The following DPYD variants were observed in gnomAD, a reference collection of about 807,000 sequenced individuals.
DPYD encodes dihydropyrimidine dehydrogenase [NADP(+)].
Under a neutral mutation model 116.2 loss-of-function variants are expected in DPYD, and 109 were observed. That is an observed-to-expected ratio of 0.94 (90% CI 0.80 to 1.10). The LOEUF (loss-of-function observed/expected upper bound fraction) is 1.10. DPYD is among the 50% of genes least tolerant of loss of function. DPYD has a pLI of 0.00. For synonymous variants in DPYD, 440 were observed against 432.0 expected (o/e 1.02, Z -0.23); for missense variants, 1,302 against 1,254.5 (o/e 1.04, Z -0.57).
intron 20 of DPYD, among the ~76,000 whole-genome samples, chr1:97,129,428 T>C (rs1261404395): frequency 6.6e-6 from 1 of 152,150 alleles, no homozygotes; most frequent in East Asian, 1.9e-4. Context: ...TTGCCTCATA[T>C]ATTCCATCTT....
At chr1:97,676,193 T>TATCCTCTCTC (rs566187551) in intron 8 of DPYD, among the ~76,000 whole-genome samples, 33 of 152,330 alleles carry the variant, frequency 2.2e-4, no homozygotes, top group Non-Finnish European at 4.4e-4. Context: ...CTTTCATTTC[T>TATCCTCTCTC]ATCCTCTCTC....
At chr1:97,174,840 T>C (rs1485414432) in intron 20 of DPYD, among the ~76,000 whole-genome samples, 1 of 152,186 alleles carries the variant, frequency 6.6e-6, no homozygotes, top group Non-Finnish European at 1.5e-5. Context: ...TAGACAAATA[T>C]ACACATTCAC....
At chr1:97,164,473 G>A (rs1301390043) in intron 20 of DPYD, among the ~76,000 whole-genome samples, 1 of 152,152 alleles carries the variant, frequency 6.6e-6, no homozygotes. Flanking sequence ...GATGGGAAGA[G>A]AGGAAGTGAA....
intron 16 of DPYD, among the ~76,000 whole-genome samples, chr1:97,336,267 A>T (rs1175701185): frequency 6.6e-6 from 1 of 152,166 alleles, no homozygotes; most frequent in Non-Finnish European, 1.5e-5. Flanking sequence ...GAACAGGTAA[A>T]TGCAGTATCA....
intron 16 of DPYD, among the ~76,000 whole-genome samples, chr1:97,311,478 A>G (rs747493669): frequency 3.3e-5 from 5 of 151,740 alleles, no homozygotes; most frequent in South Asian, 2.1e-4. Context: ...TTAAACCACA[A>G]TGTGATGCCA....
chr1:97,553,772 A>T (rs887334747), intron 11 of DPYD, among the ~76,000 whole-genome samples: 6 of 152,066 alleles, frequency 3.9e-5, no homozygotes, highest in African/African-American at 1.4e-4. Context: ...ATGTCCCAGG[A>T]GCTCCATAGT....
chr1:97,392,815 C>A (rs1672785578), intron 14 of DPYD, among the ~76,000 whole-genome samples: 1 of 151,954 alleles, frequency 6.6e-6, no homozygotes, highest in Non-Finnish European at 1.5e-5. Flanking sequence ...CATTATTGTT[C>A]TCTTGCTATT....
intron 13 of DPYD, among the ~76,000 whole-genome samples, chr1:97,450,425 C>T (rs1201648876): frequency 6.6e-6 from 1 of 152,008 alleles, no homozygotes; most frequent in Non-Finnish European, 1.5e-5. Context: ...TTAGCTTTAG[C>T]TAAATTACTT....
At chr1:97,736,420 T>C (rs1459240909) in intron 4 of DPYD, among the ~76,000 whole-genome samples, 1 of 151,972 alleles carries the variant, frequency 6.6e-6, no homozygotes, top group Non-Finnish European at 1.5e-5. Flanking sequence ...AAAAAACCCT[T>C]TCTGAATAAA....
At chr1:97,485,077 G>A (rs1678543946) in intron 13 of DPYD, among the ~76,000 whole-genome samples, 1 of 152,140 alleles carries the variant, frequency 6.6e-6, no homozygotes, top group African/African-American at 2.4e-5. Flanking sequence ...TTCTGTTTGA[G>A]ATTCATTGAG....
chr1:97,606,059 T>G (rs1189647051), intron 8 of DPYD, among the ~76,000 whole-genome samples: 1 of 152,098 alleles, frequency 6.6e-6, no homozygotes, highest in Non-Finnish European at 1.5e-5. Context: ...TTCTGAAATT[T>G]TTGTTGCATA....
chr1:97,212,013 T>C (rs1660062779), intron 19 of DPYD, among the ~76,000 whole-genome samples: 1 of 152,160 alleles, frequency 6.6e-6, no homozygotes, highest in Admixed American at 6.6e-5. Flanking sequence ...AATAACTTCA[T>C]TACACATATT....
At chr1:97,150,745 T>G (rs1039920202) in intron 20 of DPYD, among the ~76,000 whole-genome samples, 1 of 152,204 alleles carries the variant, frequency 6.6e-6, no homozygotes, top group Non-Finnish European at 1.5e-5. Context: ...TTCCATTTTC[T>G]ATTTTACTTA....
intron 1 of DPYD, chr1:97,883,870 C>A: frequency 2.2e-6 from 1 of 457,838 alleles, no homozygotes; most frequent in East Asian, 6.5e-5. Flanking sequence ...AGAAGAATGA[C>A]CCCAAATTTG....
chr1:97,524,931 A>G (rs1648945533), intron 12 of DPYD, among the ~76,000 whole-genome samples: 1 of 152,198 alleles, frequency 6.6e-6, no homozygotes, highest in Non-Finnish European at 1.5e-5. Context: ...TCTGCCATCA[A>G]ACCTGCTTCT....
chr1:97,164,521 G>A (rs1407507346), intron 20 of DPYD, among the ~76,000 whole-genome samples: 1 of 152,096 alleles, frequency 6.6e-6, no homozygotes, highest in African/African-American at 2.4e-5. Context: ...TCTATATCTA[G>A]AAAACCTCAT....
intron 9 of DPYD, among the ~76,000 whole-genome samples, chr1:97,594,033 A>G (rs965429186): frequency 1.3e-5 from 2 of 152,170 alleles, no homozygotes; most frequent in South Asian, 2.1e-4. Context: ...TCTCAAGGTC[A>G]TCTCTATTAA....
chr1:97,865,638 T>A (rs1264441913), intron 2 of DPYD, among the ~76,000 whole-genome samples: 1 of 151,976 alleles, frequency 6.6e-6, no homozygotes, highest in Non-Finnish European at 1.5e-5. Context: ...TTTAACAGTA[T>A]AAGAGGTAGA....
chr1:97,737,101 A>G (rs1376523954), intron 4 of DPYD, among the ~76,000 whole-genome samples: 1 of 152,210 alleles, frequency 6.6e-6, no homozygotes, highest in Non-Finnish European at 1.5e-5. Flanking sequence ...TCTATTACGG[A>G]CATTTTCTAA....
Sources: gnomAD v4.1 joint callset for allele counts (sites outside exome capture counted in the v4.1 genomes callset) on GRCh38, gnomAD v4.1.1 for gene constraint, MANE v1.5 for transcripts, NCBI Gene and HGNC (gene_info 2026-07-23, HGNC 2026-07-21) for gene names.